NRXN1: variants seen among roughly 807,000 people sequenced by gnomAD.
The protein encoded by NRXN1 is neurexin 1.
A neutral mutation model predicts 150.9 loss-of-function variants in NRXN1; 39 were observed. The observed-to-expected ratio is 0.26, with a 90% confidence interval of 0.20 to 0.34. The LOEUF (loss-of-function observed/expected upper bound fraction) is 0.34, where lower values mean the gene tolerates loss of function less well. Ranked by LOEUF, NRXN1 falls within the 10% of genes least tolerant of loss-of-function variation. The probability of loss-of-function intolerance (pLI) is 1.00; values close to 1 mark genes in which losing one functional copy is unlikely to be tolerated. For missense variants in NRXN1, 1,815 were observed against 1,949.9 expected, an observed-to-expected ratio of 0.93 and a Z score of 1.30; for synonymous variants, 924 against 757.0, an observed-to-expected ratio of 1.22 and a Z score of -3.62.
intron 8 of NRXN1, among the ~76,000 whole-genome samples, chr2:50,553,548 CA>C (rs1667820361): frequency 1.3e-5 from 2 of 152,082 alleles, no homozygotes; most frequent in African/African-American, 4.8e-5. Context: ...AAGACAGTCA[CA>C]ACAAGTTAAA....
chr2:50,580,832 G>A (rs577644339), intron 8 of NRXN1, among the ~76,000 whole-genome samples: 11 of 152,142 alleles, frequency 7.2e-5, no homozygotes, highest in Admixed American at 2.6e-4. Flanking sequence ...CTACTATACC[G>A]TCTAGAACAC....
intron 18 of NRXN1, among the ~76,000 whole-genome samples, chr2:50,178,299 AT>A (rs2060475059): frequency 6.6e-6 from 1 of 151,984 alleles, no homozygotes; most frequent in African/African-American, 2.4e-5. Context: ...AGTCTGCTCA[AT>A]CTGGTCTATC....
At chr2:50,382,410 T>C (rs771470167) in intron 17 of NRXN1, among the ~76,000 whole-genome samples, 1 of 152,196 alleles carries the variant, frequency 6.6e-6, no homozygotes, top group African/African-American at 2.4e-5. Flanking sequence ...TCAAGACTTT[T>C]ACAGACTTTA....
intron 18 of NRXN1, among the ~76,000 whole-genome samples, chr2:50,210,235 A>C (rs2062917098): frequency 6.6e-6 from 1 of 151,978 alleles, no homozygotes; most frequent in Non-Finnish European, 1.5e-5. Context: ...TTTGAATATT[A>C]AGAATTCATT....
At chr2:50,688,854 G>A (rs980992782) in intron 5 of NRXN1, among the ~76,000 whole-genome samples, 23 of 152,080 alleles carry the variant, frequency 1.5e-4, no homozygotes, top group African/African-American at 4.6e-4. Flanking sequence ...ATGGGCTTGC[G>A]GCTGCTAATC....
chr2:50,399,096 A>C (rs921515541), intron 17 of NRXN1, among the ~76,000 whole-genome samples: 1 of 152,190 alleles, frequency 6.6e-6, no homozygotes, highest in Admixed American at 6.6e-5. Context: ...TTATTCTACT[A>C]ACCCTCTGTT....
chr2:50,242,997 T>C (rs534041703), intron 17 of NRXN1, among the ~76,000 whole-genome samples: 5 of 151,768 alleles, frequency 3.3e-5, no homozygotes, highest in Non-Finnish European at 5.9e-5. Flanking sequence ...TCCCAAATAA[T>C]GAAAGCTTTA....
intron 21 of NRXN1, among the ~76,000 whole-genome samples, chr2:50,017,088 T>C (rs546943518): frequency 6.6e-6 from 1 of 152,290 alleles, no homozygotes; most frequent in South Asian, 2.1e-4. Context: ...TACTGGAAAT[T>C]GACATCTAAT....
chr2:50,204,196 G>GC (rs1416872001), intron 18 of NRXN1, among the ~76,000 whole-genome samples: 1 of 152,068 alleles, frequency 6.6e-6, no homozygotes, highest in Admixed American at 6.6e-5. Flanking sequence ...GTAGAGCTGG[G>GC]ATAATACAAC....
At chr2:50,345,555 C>T (rs374990499) in intron 17 of NRXN1, among the ~76,000 whole-genome samples, 6 of 152,074 alleles carry the variant, frequency 3.9e-5, no homozygotes, top group Admixed American at 1.3e-4. Flanking sequence ...GCATTTTACA[C>T]CGGGGTAGAA....
chr2:50,668,140 C>T (rs957741082), intron 5 of NRXN1, among the ~76,000 whole-genome samples: 4 of 151,964 alleles, frequency 2.6e-5, no homozygotes, highest in African/African-American at 9.7e-5. Flanking sequence ...TTCAACAAAG[C>T]CTCCATTTTA....
intron 5 of NRXN1, among the ~76,000 whole-genome samples, chr2:50,764,667 C>A: frequency 6.6e-6 from 1 of 151,904 alleles, no homozygotes; most frequent in Middle Eastern, 3.2e-3. Context: ...TGAACCCTGG[C>A]AATAGAGCAC....
intron 18 of NRXN1, among the ~76,000 whole-genome samples, chr2:50,114,423 A>G (rs1702761470): frequency 6.6e-6 from 1 of 152,170 alleles, no homozygotes; most frequent in African/African-American, 2.4e-5. Context: ...GCAAAGCAAT[A>G]CAGTTACTTT....
At chr2:50,362,469 T>A (rs1326576436) in intron 17 of NRXN1, among the ~76,000 whole-genome samples, 1 of 152,122 alleles carries the variant, frequency 6.6e-6, no homozygotes, top group Non-Finnish European at 1.5e-5. Context: ...AGCCAAATCA[T>A]GAGCAAACTC....
In NRXN1 at chr2:50,264,237, T is replaced by TA. The variant is rs1346619247; in HGVS notation, c.3365-27268dup. On this transcript the variant is annotated intron_variant, in intron 17 of 22. Transcript: ENST00000401669. Reference sequence around the variant, plus strand: ...AACAGTGAAACAGCTCTCTACTGGCTAAAAAAAAAGAAACAAAGAAAATCA... The same window carrying TA: ...AACAGTGAAACAGCTCTCTACTGGCTAAAAAAAAAAGAAACAAAGAAAATCA... 1.5e-4 allele frequency among the ~76,000 whole-genome samples: 23 copies of TA among 150,788 alleles called. No homozygotes were observed. In the South Asian group the frequency reaches 1.7e-3, roughly 11 times the overall value.
intron 21 of NRXN1, among the ~76,000 whole-genome samples, chr2:49,962,453 A>G (rs905808877): frequency 1.3e-5 from 2 of 152,180 alleles, no homozygotes; most frequent in African/African-American, 4.8e-5. Flanking sequence ...TACTTTATAA[A>G]TTGAGAATGT....
chr2:50,709,471 T>C (rs79342184), intron 5 of NRXN1, among the ~76,000 whole-genome samples: 1 of 152,080 alleles, frequency 6.6e-6, no homozygotes, highest in Non-Finnish European at 1.5e-5. Flanking sequence ...AAGTAGCTTG[T>C]GAAGTTTGAC....
chr2:50,373,679 A>AAAG (rs1553513456), intron 17 of NRXN1, among the ~76,000 whole-genome samples: 3,052 of 64,808 alleles, frequency 0.047, 71 homozygotes, highest in East Asian at 0.17. Context: ...AGAAAGAAAG[A>AAAG]AAAGAAAGAA....
chr2:51,012,484 T>G (rs573603205), intron 2 of NRXN1, among the ~76,000 whole-genome samples: 9 of 152,186 alleles, frequency 5.9e-5, no homozygotes, highest in African/African-American at 2.2e-4. Flanking sequence ...ATATCACCAG[T>G]AGCACACATG....
Sources: gnomAD v4.1 joint callset for allele counts (sites outside exome capture counted in the v4.1 genomes callset) on GRCh38, gnomAD v4.1.1 for gene constraint, MANE v1.5 for transcripts, NCBI Gene and HGNC (gene_info 2026-07-23, HGNC 2026-07-21) for gene names.